Variants in HIBADH observed in about 807,000 individuals in gnomAD.
HIBADH encodes 3-hydroxyisobutyrate dehydrogenase.
A neutral mutation model predicts 36.1 loss-of-function variants in HIBADH; 25 were observed. That is an observed-to-expected ratio of 0.69 (90% CI 0.50 to 0.97). The LOEUF (loss-of-function observed/expected upper bound fraction) is 0.97, where lower values mean the gene tolerates loss of function less well. HIBADH is among the 50% of genes least tolerant of loss of function. HIBADH has a pLI of 0.00. For synonymous variants in HIBADH, 160 were observed against 149.5 expected (o/e 1.07, Z -0.51); for missense variants, 421 against 418.0 (o/e 1.01, Z -0.06).
At chr7:27,585,850 T>A (rs73071612) in intron 4 of HIBADH, among the ~76,000 whole-genome samples, 9,307 of 152,254 alleles carry the variant, frequency 0.061, 401 homozygotes, top group Non-Finnish European at 0.089. Flanking sequence ...GATTTTTTTT[T>A]AAATTTTTTT....
intron 4 of HIBADH, among the ~76,000 whole-genome samples, chr7:27,575,147 GTTTT>G (rs1554296990): frequency 6.6e-6 from 1 of 152,148 alleles, no homozygotes; most frequent in Non-Finnish European, 1.5e-5. Flanking sequence ...TGCCAAATAG[GTTTT>G]TTAATTGGAA....
chr7:27,542,867 T>A, intron 5 of HIBADH, 100 bp downstream of exon 5: 1 of 1,258,506 alleles, frequency 7.9e-7, no homozygotes. Context: ...AAAGAATCCA[T>A]AGGTTGAAGA....
chr7:27,642,931 G>T (rs925456824), intron 2 of HIBADH, among the ~76,000 whole-genome samples: 1 of 152,186 alleles, frequency 6.6e-6, no homozygotes, highest in East Asian at 1.9e-4. Context: ...GATTACAGGC[G>T]TGAGCCACCG....
chr7:27,616,459 T>C (rs1161776734), intron 4 of HIBADH, among the ~76,000 whole-genome samples: 1 of 151,866 alleles, frequency 6.6e-6, no homozygotes, highest in Non-Finnish European at 1.5e-5. Context: ...GTCTTCGTTG[T>C]TTTTTTTGTT....
At chr7:27,638,760 C>A (rs1384637132) in intron 2 of HIBADH, among the ~76,000 whole-genome samples, 2 of 152,082 alleles carry the variant, frequency 1.3e-5, no homozygotes, top group Non-Finnish European at 2.9e-5. Context: ...AACCAAACAA[C>A]TGCATTAAAG....
chr7:27,557,145 G>GAAA (rs59417841), intron 4 of HIBADH, among the ~76,000 whole-genome samples: 4 of 144,442 alleles, frequency 2.8e-5, no homozygotes, highest in African/African-American at 7.6e-5. Context: ...GTCTAAAAAG[G>GAAA]AAAAAAAAAA....
At chr7:27,567,939 C>A (rs1411425285) in intron 4 of HIBADH, among the ~76,000 whole-genome samples, 1 of 152,134 alleles carries the variant, frequency 6.6e-6, no homozygotes. Flanking sequence ...GGGGCTACAT[C>A]TAGATAAACC....
chr7:27,563,967 C>T (rs1020517951), intron 4 of HIBADH, among the ~76,000 whole-genome samples: 4 of 146,882 alleles, frequency 2.7e-5, no homozygotes, highest in African/African-American at 2.5e-5. Flanking sequence ...GGCACGATCT[C>T]GGCTCACTGT....
At chr7:27,636,732 A>G (rs369615377) in intron 2 of HIBADH, among the ~76,000 whole-genome samples, 1 of 152,356 alleles carries the variant, frequency 6.6e-6, no homozygotes, top group East Asian at 1.9e-4. Flanking sequence ...ATCTCCAAGG[A>G]AAATCCTAGA....
chr7:27,618,045 T>A (rs1193830297), intron 4 of HIBADH, among the ~76,000 whole-genome samples: 1 of 152,200 alleles, frequency 6.6e-6, no homozygotes, highest in Admixed American at 6.5e-5. Flanking sequence ...CTGTGAGAAA[T>A]GACTCCAAGC....
intron 5 of HIBADH, among the ~76,000 whole-genome samples, chr7:27,541,947 T>C (rs941722353): frequency 1.2e-4 from 18 of 152,342 alleles, no homozygotes; most frequent in African/African-American, 4.3e-4. Flanking sequence ...TAGTACAGTA[T>C]TACTAGAGTT....
intron 2 of HIBADH, chr7:27,647,796 GGA>G (rs1786100610): frequency 3.3e-6 from 1 of 305,344 alleles, no homozygotes; most frequent in Non-Finnish European, 7.0e-6. Context: ...GGAAAAAGCA[GGA>G]GAGAGTCACA....
intron 6 of HIBADH, among the ~76,000 whole-genome samples, chr7:27,535,384 T>C (rs1052940247): frequency 1.3e-5 from 2 of 152,088 alleles, no homozygotes; most frequent in Non-Finnish European, 2.9e-5. Flanking sequence ...TAAAACTACA[T>C]TGGAGGGAAA....
chr7:27,541,804 C>T (rs1446603440), intron 5 of HIBADH: 1 of 400,084 alleles, frequency 2.5e-6, no homozygotes, highest in Non-Finnish European at 4.9e-6. Flanking sequence ...TCAATTTTTA[C>T]TATGATACAC....
intron 4 of HIBADH, among the ~76,000 whole-genome samples, chr7:27,618,433 C>T (rs900978302): frequency 1.5e-4 from 23 of 152,168 alleles, no homozygotes; most frequent in Non-Finnish European, 2.9e-5. Flanking sequence ...ATCGCAGCCA[C>T]CACCATCACC....
chr7:27,611,977 C>T (rs1785328916), intron 4 of HIBADH, among the ~76,000 whole-genome samples: 1 of 152,198 alleles, frequency 6.6e-6, no homozygotes, highest in Non-Finnish European at 1.5e-5. Flanking sequence ...CTTTCTATCT[C>T]CCAAACTGTT....
At chr7:27,579,328 G>A (rs946123145) in intron 4 of HIBADH, among the ~76,000 whole-genome samples, 6 of 152,140 alleles carry the variant, frequency 3.9e-5, no homozygotes, top group African/African-American at 9.7e-5. Flanking sequence ...GGGGGCAAGA[G>A]AGAACACATA....
chr7:27,612,989 A>T (rs1414949573), intron 4 of HIBADH, among the ~76,000 whole-genome samples: 1 of 138,080 alleles, frequency 7.2e-6, no homozygotes, highest in Non-Finnish European at 1.5e-5. Flanking sequence ...TATATATTTT[A>T]TATATATAGG....
chr7:27,549,355 A>C (rs1784281407), intron 4 of HIBADH, among the ~76,000 whole-genome samples: 1 of 152,204 alleles, frequency 6.6e-6, no homozygotes. Flanking sequence ...TACATCTTTC[A>C]AAATATGTTG....
Sources: gnomAD v4.1 joint callset for allele counts (sites outside exome capture counted in the v4.1 genomes callset) on GRCh38, gnomAD v4.1.1 for gene constraint, MANE v1.5 for transcripts, NCBI Gene and HGNC (gene_info 2026-07-23, HGNC 2026-07-21) for gene names.